DEPTOR: variants seen among roughly 807,000 people sequenced by gnomAD.
DEPTOR encodes DEP domain containing MTOR interacting protein, also known as DEP domain-containing mTOR-interacting protein.
DEPTOR carries 41 observed loss-of-function variants against 41.6 expected under a neutral mutation model. The ratio of observed to expected loss-of-function variants is 0.98; its 90% CI spans 0.77 to 1.28. DEPTOR has a LOEUF of 1.28. DEPTOR is among the 50% of genes most tolerant of loss of function. The pLI, the probability that DEPTOR is intolerant of heterozygous loss-of-function variation, is 0.00. For synonymous variants in DEPTOR, 195 were observed against 192.3 expected (o/e 1.01, Z -0.12); for missense variants, 514 against 527.9 (o/e 0.97, Z 0.26).
At chr8:120,026,581 G>C (rs2130155530) in intron 8 of DEPTOR, among the ~76,000 whole-genome samples, 1 of 152,152 alleles carries the variant, frequency 6.6e-6, no homozygotes, top group South Asian at 2.1e-4. Context: ...GACCTCCGGT[G>C]ATCCACCCAC....
At chr8:119,942,537 T>C (rs140411215) in intron 3 of DEPTOR, among the ~76,000 whole-genome samples, 3 of 152,268 alleles carry the variant, frequency 2.0e-5, no homozygotes, top group African/African-American at 7.2e-5. Context: ...TATATTGCTA[T>C]TTGAATGGTA....
At chr8:120,049,391 T>C (rs868460748) in intron 8 of DEPTOR, among the ~76,000 whole-genome samples, 185 bp from the exon 9 acceptor site, 2 of 149,602 alleles carry the variant, frequency 1.3e-5, no homozygotes, top group Non-Finnish European at 3.0e-5. Context: ...TTTTTTTTTT[T>C]AAATTATACT....
At chr8:119,922,282 T>C (rs1586616229) in intron 1 of DEPTOR, among the ~76,000 whole-genome samples, 1 of 151,798 alleles carries the variant, frequency 6.6e-6, no homozygotes, top group Non-Finnish European at 1.5e-5. Context: ...TTCTCTTAGG[T>C]TGGAAAGTTT....
intron 3 of DEPTOR, among the ~76,000 whole-genome samples, chr8:119,944,981 T>C (rs1050038881): frequency 1.3e-5 from 2 of 151,994 alleles, no homozygotes; most frequent in Non-Finnish European, 2.9e-5. Context: ...ACACCCTTCC[T>C]CTCTGCTTCT....
At chr8:119,951,807 A>G (rs1297867957) in intron 3 of DEPTOR, among the ~76,000 whole-genome samples, 2 of 152,126 alleles carry the variant, frequency 1.3e-5, no homozygotes, top group African/African-American at 4.8e-5. Flanking sequence ...AGAAAGTTCT[A>G]GTTTCACTGG....
At chr8:119,923,576 G>C (rs1827925650) in intron 1 of DEPTOR, among the ~76,000 whole-genome samples, 1 of 152,036 alleles carries the variant, frequency 6.6e-6, no homozygotes, top group Admixed American at 6.6e-5. Flanking sequence ...CTTTATTGAA[G>C]TATTTTTTCA....
intron 1 of DEPTOR, among the ~76,000 whole-genome samples, chr8:119,889,534 G>A (rs966194315): frequency 2.8e-5 from 4 of 144,352 alleles, no homozygotes; most frequent in Admixed American, 7.2e-5. Context: ...GTGACAGAGC[G>A]AGAGCTTGTC....
chr8:119,880,562 A>G (rs981377159), intron 1 of DEPTOR, among the ~76,000 whole-genome samples: 1 of 152,280 alleles, frequency 6.6e-6, no homozygotes, highest in African/African-American at 2.4e-5. Context: ...GTATATGAGA[A>G]TATCACATTG....
intron 1 of DEPTOR, among the ~76,000 whole-genome samples, chr8:119,903,674 A>G (rs527550900): frequency 6.6e-6 from 1 of 152,246 alleles, no homozygotes; most frequent in East Asian, 1.9e-4. Context: ...GAGAGTACTT[A>G]TGGGGAATCC....
At chr8:119,979,628 A>G (rs1828737860) in intron 4 of DEPTOR, among the ~76,000 whole-genome samples, 1 of 151,992 alleles carries the variant, frequency 6.6e-6, no homozygotes, top group Non-Finnish European at 1.5e-5. Flanking sequence ...TTAACCCAAC[A>G]AAGAGCTCAC....
chr8:119,924,285 G>C (rs1468035382), intron 1 of DEPTOR, among the ~76,000 whole-genome samples: 2 of 152,158 alleles, frequency 1.3e-5, no homozygotes, highest in African/African-American at 2.4e-5. Context: ...TTATTATTGA[G>C]TTTGGGAGGC....
At chr8:119,967,707 T>C (rs1377889315) in intron 4 of DEPTOR, among the ~76,000 whole-genome samples, 3 of 149,862 alleles carry the variant, frequency 2.0e-5, no homozygotes, top group Non-Finnish European at 4.4e-5. Flanking sequence ...TGAGCCAAGA[T>C]TGTGCCACTG....
chr8:119,954,019 T>A (rs1828387017), intron 3 of DEPTOR, among the ~76,000 whole-genome samples: 1 of 141,800 alleles, frequency 7.1e-6, no homozygotes, highest in Admixed American at 7.7e-5. Flanking sequence ...TTGGCCAGGC[T>A]GGTCTCAAGA....
intron 4 of DEPTOR, among the ~76,000 whole-genome samples, chr8:119,974,504 G>T: frequency 6.6e-6 from 1 of 152,116 alleles, no homozygotes; most frequent in Non-Finnish European, 1.5e-5. Context: ...AGGCGTGGTG[G>T]CTCACACCTG....
Position 120,009,138 on chromosome 8 carries a change from T to A in DEPTOR, c.1101+5T>A. On this transcript the variant is annotated splice_donor_5th_base_variant and intron_variant, in intron 8 of 8. Transcript: ENST00000286234. ...GCAGCCGCAGCAGGAATGAAGGTAC[T>A]AACGGGTCTTTCTCACCCTCTTTTA... The A allele has an allele frequency of 6.2e-7, 1 of 1,612,648 alleles. No individual in the cohort carries two copies. Among genetic ancestry groups the A allele is most frequent in the Non-Finnish European group, 8.5e-7 (1 of 1,179,204 alleles).
At chr8:119,886,583 C>T (rs1827368334) in intron 1 of DEPTOR, among the ~76,000 whole-genome samples, 1 of 152,038 alleles carries the variant, frequency 6.6e-6, no homozygotes, top group Non-Finnish European at 1.5e-5. Context: ...CACGCACAAC[C>T]CTATTCTACC....
intron 1 of DEPTOR, among the ~76,000 whole-genome samples, chr8:119,895,692 T>C (rs1827511750): frequency 6.6e-6 from 1 of 152,204 alleles, no homozygotes; most frequent in Non-Finnish European, 1.5e-5. Flanking sequence ...CAGATCAAGC[T>C]GAGCCTCTGA....
chr8:120,004,093 C>T lies in DEPTOR; in HGVS notation c.925+982C>T, dbSNP rs184353017. ...GGATACAAAGATGACAGGTCATAAC[C>T]CCCAACTCAATGAAAACACCACCTC... On this transcript the variant is annotated intron_variant, in intron 6 of 8. Transcript: ENST00000286234. 4.1e-4 allele frequency among the ~76,000 whole-genome samples: 62 copies of T among 152,222 alleles called. No homozygotes were observed. The South Asian group carries it at 5.2e-3, about 13-fold the overall frequency.
chr8:119,961,709 A>G (rs1828495432), intron 3 of DEPTOR, among the ~76,000 whole-genome samples: 1 of 152,146 alleles, frequency 6.6e-6, no homozygotes, highest in Non-Finnish European at 1.5e-5. Context: ...TGGGAACTAC[A>G]TTTTTCTCAT....
Sources: gnomAD v4.1 joint callset for allele counts (sites outside exome capture counted in the v4.1 genomes callset) on GRCh38, gnomAD v4.1.1 for gene constraint, MANE v1.5 for transcripts, NCBI Gene and HGNC (gene_info 2026-07-23, HGNC 2026-07-21) for gene names.